The following COL28A1 variants were observed in gnomAD, a reference collection of about 807,000 sequenced individuals.
The protein encoded by COL28A1 is collagen type XXVIII alpha 1 chain.
Under a neutral mutation model 150.2 loss-of-function variants are expected in COL28A1, and 161 were observed. The observed-to-expected ratio is 1.07, with a 90% CI of 0.94 to 1.22. The LOEUF is 1.22. COL28A1 is among the 50% of genes most tolerant of loss of function. COL28A1 has a pLI of 0.00. For synonymous variants in COL28A1, 552 were observed against 469.7 expected, an observed-to-expected ratio of 1.18 and a Z score of -2.26; for missense variants, 1,617 against 1,388.3, an observed-to-expected ratio of 1.16 and a Z score of -2.62.
At chr7:7,396,903 T>C (rs1782865693) in intron 27 of COL28A1, among the ~76,000 whole-genome samples, 1 of 152,190 alleles carries the variant, frequency 6.6e-6, no homozygotes, top group African/African-American at 2.4e-5. Flanking sequence ...CCTCTTCCCC[T>C]GTCTCCATGG....
At chr7:7,399,391 CT>C (rs1330965370) in intron 27 of COL28A1, among the ~76,000 whole-genome samples, 1 of 152,184 alleles carries the variant, frequency 6.6e-6, no homozygotes, top group African/African-American at 2.4e-5. Context: ...CACATCCTAT[CT>C]GTCCTACTTA....
chr7:7,421,756 T>G (rs1388776368), intron 25 of COL28A1, among the ~76,000 whole-genome samples: 2 of 152,262 alleles, frequency 1.3e-5, no homozygotes, highest in African/African-American at 4.8e-5. Flanking sequence ...ACTGACTTAA[T>G]TCTTTTAATA....
At chr7:7,342,088 C>G in the COL28A1 span, among the ~76,000 whole-genome samples, 1 of 152,080 alleles carries the variant, frequency 6.6e-6, no homozygotes, top group Non-Finnish European at 1.5e-5. Flanking sequence ...ATAGTTCAGT[C>G]CCTTTCACTT....
intron 25 of COL28A1, 24 bp from the exon 26 acceptor site, chr7:7,419,977 A>C: frequency 6.6e-7 from 1 of 1,521,792 alleles, no homozygotes; most frequent in Non-Finnish European, 8.8e-7. Context: ...ACAAATAACA[A>C]GTTACTAATT....
chr7:7,478,907 C>T (rs964187466), intron 13 of COL28A1, among the ~76,000 whole-genome samples: 41 of 152,238 alleles, frequency 2.7e-4, no homozygotes, highest in African/African-American at 9.4e-4. Context: ...AGCCCTGGTT[C>T]CACCCGTGCC....
intron 27 of COL28A1, among the ~76,000 whole-genome samples, chr7:7,414,466 C>T (rs1023905417): frequency 2.6e-5 from 4 of 152,206 alleles, no homozygotes; most frequent in African/African-American, 9.7e-5. Flanking sequence ...AGGGCAGAGC[C>T]AGTTGGGCCA....
rs1324700398 is a variant in COL28A1, at chr7:7,419,899, T to C, written c.2053A>G (p.Thr685Ala). ...TGAGGACTCACCTTTGGCCCTTGGG[T>C]TCCTACGCCCCGAGGCCCAGAAGGA... Reference protein sequence around the residue: ...PGPSGPRGVGTQGPKGDTGQK... With the variant: ...PGPSGPRGVGAQGPKGDTGQK... The change falls in exon 26 of 35, where the codon ACC becomes GCC. Residue 685 changes from threonine to alanine, a missense_variant. By Grantham distance (58) the Thr-to-Ala change is moderately conservative. Coordinates refer to ENST00000399429, the MANE Select transcript of COL28A1 (RefSeq NM_001037763.3). 6.3e-7 allele frequency: 1 copy of C among 1,599,300 alleles called. No individual in the cohort carries two copies. Among genetic ancestry groups the C allele is most frequent in the East Asian group, 2.3e-5 (1 of 44,222 alleles).
intron 15 of COL28A1, among the ~76,000 whole-genome samples, chr7:7,461,574 A>G (rs1426238959): frequency 1.3e-5 from 2 of 152,136 alleles, no homozygotes; most frequent in Non-Finnish European, 2.9e-5. Context: ...CCAGCCCTTC[A>G]GTTTGCACTG....
chr7:7,490,675 T>C (rs1274989404), intron 11 of COL28A1, 29 bp from the exon 12 acceptor site: 3 of 948,126 alleles, frequency 3.2e-6, no homozygotes, highest in Non-Finnish European at 5.2e-6. Context: ...ACATCAGTTA[T>C]ATGTTAGGTC....
intron 11 of COL28A1, 142 bp downstream of exon 11, chr7:7,505,872 C>A: frequency 1.6e-6 from 1 of 625,714 alleles, no homozygotes. Flanking sequence ...ACTTAATTCT[C>A]TGTATACATC....
intron 11 of COL28A1, among the ~76,000 whole-genome samples, chr7:7,491,813 C>T (rs1442047952): frequency 1.3e-5 from 2 of 152,166 alleles, no homozygotes; most frequent in African/African-American, 4.8e-5. Flanking sequence ...CTATTGACCC[C>T]AATTACCCAT....
the COL28A1 span, among the ~76,000 whole-genome samples, chr7:7,541,824 A>G: frequency 2.6e-5 from 4 of 152,202 alleles, no homozygotes; most frequent in Non-Finnish European, 4.4e-5. Flanking sequence ...CATTCACTTA[A>G]CTAACATCAA....
chr7:7,532,811 G>T lies in COL28A1; in HGVS notation c.65C>A (p.Ser22Tyr), dbSNP rs763884053. The T allele has an allele frequency of 2.8e-5, 45 of 1,612,176 alleles. No homozygotes were observed. The highest frequency in any genetic ancestry group is 3.3e-5 in the Admixed American group (2 of 59,832). ...LLSAFTSQTVSGQRKKGPKSN... is the reference protein window; with the variant it reads ...LLSAFTSQTVYGQRKKGPKSN... ...TTTTGGTCCTTTCTTTCTTTGTCCG[G>T]ATACTGTTTGACTCGTAAACGCTGA... The change falls in exon 2 of 35, where the codon TCC (serine) becomes TAC (tyrosine). Residue 22 changes from serine to tyrosine, a missense_variant. Transcript: ENST00000399429.
In COL28A1 at chr7:7,373,001, G is replaced by T; in HGVS notation, c.2905C>A (p.Gln969Lys). ...VYQFDDFFTL[Q>K]DTLKQKLFQK... ...TGGGCCAGATAGCCTTCCTTACCTT[G>T]CAGGGTAAAGAAATCATCAAACTGG... Residue 969 changes from glutamine to lysine, a missense_variant, in exon 32 of 35, where the codon CAA becomes AAA. Gln to Lys is a moderately conservative substitution (Grantham distance 53, BLOSUM62 1). Transcript: ENST00000399429. This position sits in a 1 kb window ranked among gnomAD's most constrained non-coding sequence, Gnocchi z 4.1. 6.2e-7 allele frequency: 1 copy of T among 1,611,990 alleles called. No homozygotes were observed. The highest frequency in any genetic ancestry group is 8.5e-7 in the Non-Finnish European group (1 of 1,178,826).
chr7:7,490,728 T>G (rs550193020), intron 11 of COL28A1, 82 bp from the exon 12 acceptor site: 1 of 683,076 alleles, frequency 1.5e-6, no homozygotes, highest in South Asian at 1.9e-5. Context: ...TGTATGGTTT[T>G]GCAATAGGGG....
the COL28A1 span, among the ~76,000 whole-genome samples, chr7:7,348,499 A>C: frequency 2.0e-5 from 3 of 149,532 alleles, no homozygotes; most frequent in Admixed American, 6.6e-5. Context: ...CTCTCCTCCT[A>C]CAAGATACTT....
chr7:7,445,485 C>A (rs1032313842), intron 18 of COL28A1, among the ~76,000 whole-genome samples: 1 of 152,192 alleles, frequency 6.6e-6, no homozygotes, highest in East Asian at 1.9e-4. Flanking sequence ...TGTATTAAGG[C>A]ACTCAGTTCC....
intron 32 of COL28A1, among the ~76,000 whole-genome samples, chr7:7,372,276 G>A (rs1032349139): frequency 2.6e-5 from 4 of 151,746 alleles, no homozygotes; most frequent in Admixed American, 2.6e-4. Flanking sequence ...GCGCGTGCCT[G>A]TAGTCCCAGC....
At chr7:7,501,375 T>G (rs1039487359) in intron 11 of COL28A1, among the ~76,000 whole-genome samples, 2 of 152,214 alleles carry the variant, frequency 1.3e-5, no homozygotes, top group African/African-American at 2.4e-5. Context: ...CTTGTGCCCT[T>G]TAGGCCTTGA....
Sources: gnomAD v4.1 joint callset for allele counts (sites outside exome capture counted in the v4.1 genomes callset) on GRCh38, gnomAD v4.1.1 for gene constraint, Gnocchi (gnomAD v3.1) non-coding constraint, MANE v1.5 for transcripts, NCBI Gene and HGNC (gene_info 2026-07-23, HGNC 2026-07-21) for gene names.